DENND4A: variants seen among roughly 807,000 people sequenced by gnomAD.
DENND4A encodes the protein DENN domain containing 4A.
A neutral mutation model predicts 199.3 loss-of-function variants in DENND4A; 70 were observed. The ratio of observed to expected loss-of-function variants is 0.35; its 90% confidence interval spans 0.29 to 0.43. DENND4A has a LOEUF of 0.43. DENND4A is among the 20% of genes least tolerant of loss of function. The pLI is 1.00. For synonymous variants in DENND4A, 686 were observed against 766.9 expected (o/e 0.89, Z 1.74); for missense variants, 1,723 against 2,255.8 (o/e 0.76, Z 4.78).
intron 24 of DENND4A, among the ~76,000 whole-genome samples, 171 bp from the exon 25 acceptor site, chr15:65,672,057 G>A (rs1337953157): frequency 1.3e-5 from 2 of 152,154 alleles, no homozygotes; most frequent in African/African-American, 4.8e-5. Flanking sequence ...TTCAAGGCAT[G>A]AAGTTTTGAG....
At chr15:65,771,996 A>T in intron 1 of DENND4A, 2 of 1,480,560 alleles carry the variant, frequency 1.4e-6, no homozygotes, top group Non-Finnish European at 1.9e-6. Flanking sequence ...AGTAATTTTT[A>T]TATTTGTTTA....
rs749499313 is a variant in DENND4A at position 65,665,324 on chromosome 15, G to A, written c.5359+21C>T. ...GATTACTCTCATATGAACAAAGTCA[G>A]CATTCTATGATGGCACTTACTGTGT... On this transcript the variant is annotated intron_variant, in intron 30 of 32. Coordinates refer to ENST00000443035, the MANE Select transcript of DENND4A (RefSeq NM_001320835.1). 4 of 1,585,566 alleles carry A rather than the reference G, an allele frequency of 2.5e-6. No homozygotes were observed. The South Asian group carries it at 4.5e-5, about 18-fold the overall frequency.
At chr15:65,663,227 T>A (rs1306200520) in intron 32 of DENND4A, among the ~76,000 whole-genome samples, 1 of 146,982 alleles carries the variant, frequency 6.8e-6, no homozygotes, top group African/African-American at 2.5e-5. Flanking sequence ...TTTTTTTGGT[T>A]AGACGGAGTT....
intron 12 of DENND4A, among the ~76,000 whole-genome samples, chr15:65,720,261 T>A (rs542328408): frequency 5.9e-5 from 9 of 152,146 alleles, no homozygotes; most frequent in Non-Finnish European, 1.2e-4. Flanking sequence ...GCATCTAATG[T>A]CAAAGGGTCA....
At chr15:65,706,697 T>G (rs963895548) in intron 14 of DENND4A, among the ~76,000 whole-genome samples, 1 of 152,174 alleles carries the variant, frequency 6.6e-6, no homozygotes, top group Non-Finnish European at 1.5e-5. Flanking sequence ...GGTTTCACCA[T>G]GTTGGCCAGG....
At chr15:65,758,364 A>T (rs1312257022) in intron 2 of DENND4A, among the ~76,000 whole-genome samples, 1 of 152,142 alleles carries the variant, frequency 6.6e-6, no homozygotes, top group East Asian at 1.9e-4. Flanking sequence ...CCCAGGCTGA[A>T]ATGGAGTAGT....
chr15:65,730,935 G>C (rs1391352150), intron 9 of DENND4A, among the ~76,000 whole-genome samples: 2 of 152,026 alleles, frequency 1.3e-5, no homozygotes, highest in Non-Finnish European at 2.9e-5. Context: ...ATGTAATTTA[G>C]AGTGACATAC....
intron 4 of DENND4A, 63 bp downstream of exon 4, chr15:65,752,307 AAAAAAAGAT>A: frequency 1.7e-5 from 12 of 710,348 alleles, no homozygotes; most frequent in East Asian, 1.1e-4. Flanking sequence ...AAAAAAAAAA[AAAAAAAGAT>A]GTATTTAAAA....
chr15:65,778,695 G>A (rs1397921549), intron 1 of DENND4A, among the ~76,000 whole-genome samples: 12 of 151,704 alleles, frequency 7.9e-5, no homozygotes, highest in Admixed American at 5.2e-4. Flanking sequence ...TCAGGAGATC[G>A]AGACCATCCT....
chr15:65,686,399 G>A (rs552434788), intron 23 of DENND4A, among the ~76,000 whole-genome samples: 2 of 152,228 alleles, frequency 1.3e-5, no homozygotes, highest in Admixed American at 1.3e-4. Context: ...GCTGAGATTT[G>A]TCTTGACCAA....
intron 17 of DENND4A, 49 bp from the exon 18 acceptor site, chr15:65,701,939 C>G (rs764443851): frequency 1.9e-6 from 3 of 1,608,250 alleles, no homozygotes; most frequent in Non-Finnish European, 2.6e-6. Context: ...TCACCATGTA[C>G]ATAAATCTAG....
At position 65,666,451 on chromosome 15, in the gene DENND4A, C is replaced by T. The variant is rs146603516; in HGVS notation, c.5242-989G>A. Among the ~76,000 whole-genome samples the T allele has an allele frequency of 4.6e-3, 696 of 152,148 alleles. 5 individuals are homozygous for T. Among genetic ancestry groups the T allele is most frequent in the Non-Finnish European group, 7.6e-3 (520 of 67,990 alleles). On this transcript the variant is annotated intron_variant, in intron 29 of 32. Coordinates refer to ENST00000443035, the MANE Select transcript of DENND4A (RefSeq NM_001320835.1). The stretch of plus-strand genomic sequence containing the variant: ...GATTCACATCCCAGATGGGACAGCA[C>T]GAAATTTCATCATGCTACTCAGAAC...
chr15:65,686,945 C>G (rs1596438412), intron 23 of DENND4A, among the ~76,000 whole-genome samples: 1 of 152,156 alleles, frequency 6.6e-6, no homozygotes, highest in South Asian at 2.1e-4. Flanking sequence ...TCAAGCAATC[C>G]TCCTGGCTTG....
chr15:65,740,763 C>T (rs1239086001), intron 5 of DENND4A, among the ~76,000 whole-genome samples: 1 of 151,738 alleles, frequency 6.6e-6, no homozygotes, highest in Non-Finnish European at 1.5e-5. Context: ...GAGTTTAAGA[C>T]CAACCTGGGC....
In DENND4A at chr15:65,701,896, A is replaced by G. The variant is rs1349346304; in HGVS notation, c.2431-6T>C. On this transcript the variant is annotated splice_polypyrimidine_tract_variant and splice_region_variant and intron_variant, in intron 17 of 32. Transcript: ENST00000443035. Reference sequence around the variant, plus strand: ...ATAAGAATGCGGTAGCATACCTGAAATACAAGTTCAAAATTGTACCGAAAC... The same window carrying G: ...ATAAGAATGCGGTAGCATACCTGAAGTACAAGTTCAAAATTGTACCGAAAC... 6.2e-7 allele frequency: 1 copy of G among 1,613,690 alleles called. No homozygotes were observed. Among genetic ancestry groups the G allele is most frequent in the Non-Finnish European group, 8.5e-7 (1 of 1,179,710 alleles).
intron 23 of DENND4A, among the ~76,000 whole-genome samples, chr15:65,687,652 G>T (rs1224732829): frequency 6.6e-6 from 1 of 152,108 alleles, no homozygotes; most frequent in African/African-American, 2.4e-5. Flanking sequence ...TGAGTTGACA[G>T]GTCTTTTCTT....
intron 1 of DENND4A, among the ~76,000 whole-genome samples, chr15:65,767,636 T>C (rs1370188933): frequency 6.6e-6 from 1 of 152,140 alleles, no homozygotes; most frequent in Non-Finnish European, 1.5e-5. Context: ...ATGCAACTGA[T>C]ACCATTATCG....
intron 7 of DENND4A, among the ~76,000 whole-genome samples, chr15:65,736,247 C>T (rs964268684): frequency 6.6e-6 from 1 of 151,786 alleles, no homozygotes; most frequent in Non-Finnish European, 1.5e-5. Context: ...TCAAACAGAA[C>T]AATAGATTTT....
chr15:65,756,230 G>A lies in DENND4A; in HGVS notation c.221C>T (p.Ser74Leu). 1 of 1,612,302 alleles carries A rather than the reference G, an allele frequency of 6.2e-7. No homozygotes were observed. The highest frequency in any genetic ancestry group is 8.5e-7 in the Non-Finnish European group (1 of 1,179,090). The change falls in exon 3 of 33, where the codon TCA (serine) becomes TTA (leucine). Residue 74 changes from serine to leucine, a missense_variant. This residue lies in a region of DENND4A where 725 missense variants were observed against 952.9 expected (regional missense o/e 0.76). Coordinates refer to ENST00000443035, the MANE Select transcript of DENND4A (RefSeq NM_001320835.1). ...ICIDVTPTGLSADLNNGSLVG... is the reference protein window; with the variant it reads ...ICIDVTPTGLLADLNNGSLVG... ...AAGACTTCCATTATTAAGATCAGCTGACAATCCAGTTGGGGTAACATCAAT... is the reference window on the plus strand; with the variant it reads ...AAGACTTCCATTATTAAGATCAGCTAACAATCCAGTTGGGGTAACATCAAT...
Sources: allele counts gnomAD v4.1 joint callset (sites outside exome capture counted in the v4.1 genomes callset), GRCh38; gene constraint gnomAD v4.1.1; regional missense constraint gnomAD v4.1.1; transcripts MANE v1.5; gene names NCBI Gene and HGNC (gene_info 2026-07-23, HGNC 2026-07-21).